CYP7B1: variants seen among roughly 807,000 people sequenced by gnomAD.
The protein encoded by CYP7B1 is cytochrome P450 family 7 subfamily B member 1.
CYP7B1 carries 29 observed loss-of-function variants against 42.7 expected under a neutral mutation model. The observed-to-expected ratio is 0.68, with a 90% CI of 0.51 to 0.93. The LOEUF is 0.93. CYP7B1 is among the 40% of genes least tolerant of loss of function. The pLI, the probability that CYP7B1 is intolerant of heterozygous loss-of-function variation, is 0.00. For missense variants in CYP7B1, 655 were observed against 600.5 expected (o/e 1.09, Z -0.95); for synonymous variants, 235 against 218.2 (o/e 1.08, Z -0.68).
At chr8:64,662,831 T>C (rs561934791) in intron 1 of CYP7B1, among the ~76,000 whole-genome samples, 92 of 152,308 alleles carry the variant, frequency 6.0e-4, no homozygotes, top group Admixed American at 9.8e-4. Context: ...TTATTATTAA[T>C]TGGCAGAAAT....
intron 1 of CYP7B1, among the ~76,000 whole-genome samples, chr8:64,705,411 AAATG>A (rs1224467404): frequency 2.6e-5 from 4 of 152,014 alleles, no homozygotes; most frequent in Admixed American, 6.6e-5. Context: ...TGTGTTAAAT[AAATG>A]AATGAATGAC....
intron 2 of CYP7B1, among the ~76,000 whole-genome samples, chr8:64,618,808 A>T (rs565408181): frequency 6.6e-6 from 1 of 152,296 alleles, no homozygotes; most frequent in African/African-American, 2.4e-5. Context: ...AGTTCTTTAT[A>T]AAAATCAGTA....
At chr8:64,656,012 G>T (rs2129631300) in intron 1 of CYP7B1, among the ~76,000 whole-genome samples, 1 of 152,240 alleles carries the variant, frequency 6.6e-6, no homozygotes, top group East Asian at 1.9e-4. Context: ...TCTACTTGAG[G>T]GTGGAGGGTG....
chr8:64,715,028 A>G (rs1807134652), intron 1 of CYP7B1, among the ~76,000 whole-genome samples: 1 of 152,278 alleles, frequency 6.6e-6, no homozygotes, highest in Admixed American at 6.5e-5. Flanking sequence ...TGAGACCCTG[A>G]TGGCTCCCAA....
chr8:64,652,991 G>A (rs1029335760), intron 1 of CYP7B1, among the ~76,000 whole-genome samples: 8 of 152,184 alleles, frequency 5.3e-5, no homozygotes, highest in African/African-American at 1.7e-4. Context: ...CTGGGACACA[G>A]CTAAGGTGGT....
intron 1 of CYP7B1, among the ~76,000 whole-genome samples, chr8:64,666,283 TC>T (rs1281934397): frequency 6.6e-6 from 1 of 152,204 alleles, no homozygotes; most frequent in Non-Finnish European, 1.5e-5. Context: ...AATAGTTAAG[TC>T]CTACTCACTG....
At chr8:64,590,308 A>G (rs889521789), downstream of CYP7B1, among the ~76,000 whole-genome samples, 1 of 152,240 alleles carries the variant, frequency 6.6e-6, no homozygotes, top group African/African-American at 2.4e-5. Context: ...TCCCAGGAAA[A>G]TACTGTACGT....
intron 1 of CYP7B1, among the ~76,000 whole-genome samples, chr8:64,722,650 C>G (rs1288479650): frequency 6.9e-6 from 1 of 144,130 alleles, no homozygotes; most frequent in Admixed American, 7.5e-5. Context: ...GGTTTCAACT[C>G]CTGATGCTTA....
intron 1 of CYP7B1, among the ~76,000 whole-genome samples, chr8:64,723,810 A>T (rs1001518560): frequency 3.3e-5 from 5 of 152,352 alleles, no homozygotes; most frequent in African/African-American, 9.6e-5. Flanking sequence ...AAAAAGAAAA[A>T]AAAACAAAAA....
intron 1 of CYP7B1, among the ~76,000 whole-genome samples, chr8:64,637,439 C>G (rs1288147478): frequency 6.6e-6 from 1 of 152,184 alleles, no homozygotes; most frequent in Non-Finnish European, 1.5e-5. Context: ...TCATGAGCTA[C>G]AGGGCTTTAC....
intron 1 of CYP7B1, among the ~76,000 whole-genome samples, chr8:64,768,405 T>C (rs976169646): frequency 6.6e-5 from 10 of 152,202 alleles, no homozygotes; most frequent in African/African-American, 9.6e-5. Flanking sequence ...AGCAATTCTT[T>C]AGTAATTTGC....
At chr8:64,731,452 G>C (rs1485663145) in intron 1 of CYP7B1, among the ~76,000 whole-genome samples, 1 of 152,170 alleles carries the variant, frequency 6.6e-6, no homozygotes, top group Admixed American at 6.5e-5. Context: ...ATTTGAATTT[G>C]AGAGAGATGA....
In CYP7B1 at chr8:64,624,561, T is replaced by C. The variant is rs577577909; in HGVS notation, c.123-22A>G. On this transcript the variant is annotated intron_variant, in intron 1 of 5. Transcript: ENST00000310193. ...TCTCCTACAAGGAAAAAAAAAAAGATAAAAGAACAAAAGAAAAATCAAATC... is the reference window on the plus strand; with the variant it reads ...TCTCCTACAAGGAAAAAAAAAAAGACAAAAGAACAAAAGAAAAATCAAATC... 6 of 1,608,904 alleles carry C rather than the reference T, an allele frequency of 3.7e-6. No individual in the cohort carries two copies. In the African/African-American group the frequency reaches 6.7e-5, roughly 18 times the overall value.
chr8:64,600,748 A>G (rs947110838), intron 5 of CYP7B1, among the ~76,000 whole-genome samples: 2 of 152,144 alleles, frequency 1.3e-5, no homozygotes, highest in Non-Finnish European at 2.9e-5. Context: ...AAATTGACAA[A>G]CACTACAAAT....
At chr8:64,722,284 A>G (rs1807247679) in intron 1 of CYP7B1, among the ~76,000 whole-genome samples, 1 of 152,216 alleles carries the variant, frequency 6.6e-6, no homozygotes, top group Non-Finnish European at 1.5e-5. Context: ...GCTGTCCAGT[A>G]TGTGCTTCCC....
At chr8:64,711,344 TGG>T (rs1294267103) in intron 1 of CYP7B1, among the ~76,000 whole-genome samples, 1 of 152,200 alleles carries the variant, frequency 6.6e-6, no homozygotes, top group African/African-American at 2.4e-5. Context: ...GTAAACCTCC[TGG>T]CGTCTCTCCT....
chr8:64,676,417 C>T (rs983454993), intron 1 of CYP7B1, among the ~76,000 whole-genome samples: 1 of 152,064 alleles, frequency 6.6e-6, no homozygotes, highest in African/African-American at 2.4e-5. Context: ...ATGGAATTAA[C>T]CTCTGAATCA....
At chr8:64,777,263 T>G (rs1028397709) in intron 1 of CYP7B1, among the ~76,000 whole-genome samples, 4 of 151,320 alleles carry the variant, frequency 2.6e-5, no homozygotes, top group Non-Finnish European at 5.9e-5. Context: ...TAAGATGGGA[T>G]TTTTGGCATA....
At chr8:64,624,181 GGAAA>G (rs1477023262) in intron 2 of CYP7B1, among the ~76,000 whole-genome samples, 1 of 151,812 alleles carries the variant, frequency 6.6e-6, no homozygotes, top group East Asian at 1.9e-4. Context: ...GGTGATGGCT[GGAAA>G]GAAGGGTTCC....
Sources: allele counts gnomAD v4.1 joint callset (sites outside exome capture counted in the v4.1 genomes callset), GRCh38; gene constraint gnomAD v4.1.1; transcripts MANE v1.5; gene names NCBI Gene and HGNC (gene_info 2026-07-23, HGNC 2026-07-21).